DMRT1: variants seen among roughly 807,000 people sequenced by gnomAD.
DMRT1 encodes the protein doublesex- and mab-3-related transcription factor 1.
In DMRT1, 7 loss-of-function variants were observed where a neutral mutation model predicts 32.3. That is an observed-to-expected ratio of 0.22 (90% CI 0.12 to 0.41). The LOEUF is 0.41. Ranked by LOEUF, DMRT1 falls within the 10% of genes least tolerant of loss-of-function variation. The pLI is 1.00. For synonymous variants in DMRT1, 278 were observed against 206.1 expected, an observed-to-expected ratio of 1.35 and a Z score of -2.99; for missense variants, 625 against 500.5, an observed-to-expected ratio of 1.25 and a Z score of -2.37.
chr9:899,495 G>T (rs1328172188), intron 3 of DMRT1, among the ~76,000 whole-genome samples: 1 of 152,154 alleles, frequency 6.6e-6, no homozygotes, highest in Non-Finnish European at 1.5e-5. Context: ...TGCCCTGCCT[G>T]CTGAGAGCTG....
At chr9:866,234 A>T (rs940116333) in intron 2 of DMRT1, among the ~76,000 whole-genome samples, 6 of 150,806 alleles carry the variant, frequency 4.0e-5, no homozygotes, top group African/African-American at 1.5e-4. Context: ...GGACTCTGAG[A>T]CTGGGACGTT....
chr9:865,601 C>T (rs768980989), intron 2 of DMRT1, among the ~76,000 whole-genome samples: 4 of 152,088 alleles, frequency 2.6e-5, no homozygotes, highest in Non-Finnish European at 5.9e-5. Flanking sequence ...TATCCTGTAG[C>T]AATAAACAAG....
chr9:897,290 G>A (rs796977116), intron 3 of DMRT1, among the ~76,000 whole-genome samples: 28 of 150,962 alleles, frequency 1.9e-4, no homozygotes, highest in African/African-American at 6.8e-4. Flanking sequence ...TTTTTTTTCT[G>A]TATTTTTAGC....
intron 2 of DMRT1, among the ~76,000 whole-genome samples, chr9:847,434 C>G (rs558332319): frequency 1.6e-4 from 24 of 152,214 alleles, no homozygotes; most frequent in South Asian, 6.2e-4. Flanking sequence ...CTCAGTCCAC[C>G]CCTTCATTTT....
At chr9:875,772 G>A (rs1564215413) in intron 2 of DMRT1, among the ~76,000 whole-genome samples, 1 of 152,108 alleles carries the variant, frequency 6.6e-6, no homozygotes, top group Non-Finnish European at 1.5e-5. Flanking sequence ...GTGTGTGTAT[G>A]TATGTATGTA....
chr9:924,548 G>T (rs1334755018), intron 4 of DMRT1, among the ~76,000 whole-genome samples: 1 of 152,076 alleles, frequency 6.6e-6, no homozygotes, highest in Non-Finnish European at 1.5e-5. Context: ...TTCTGTTTTG[G>T]CAGGTGCCTG....
At chr9:909,359 A>G (rs1356857939) in intron 3 of DMRT1, among the ~76,000 whole-genome samples, 1 of 152,198 alleles carries the variant, frequency 6.6e-6, no homozygotes, top group Non-Finnish European at 1.5e-5. Context: ...TGAAAAATGA[A>G]TAAGGTGTGT....
chr9:853,912 C>G (rs1589450576), intron 2 of DMRT1, among the ~76,000 whole-genome samples: 1 of 152,158 alleles, frequency 6.6e-6, no homozygotes, highest in Non-Finnish European at 1.5e-5. Flanking sequence ...TCTCCCACCT[C>G]AGCCTCCCGA....
At chr9:863,795 C>T (rs1029851706) in intron 2 of DMRT1, among the ~76,000 whole-genome samples, 1 of 152,172 alleles carries the variant, frequency 6.6e-6, no homozygotes, top group African/African-American at 2.4e-5. Flanking sequence ...CTAGATTTCC[C>T]TTGTTAGTGG....
At chr9:876,605 A>T (rs1158580186) in intron 2 of DMRT1, among the ~76,000 whole-genome samples, 1 of 151,278 alleles carries the variant, frequency 6.6e-6, no homozygotes, top group Non-Finnish European at 1.5e-5. Flanking sequence ...ATCATAGCTG[A>T]CTACAACCCC....
chr9:901,425 C>T (rs1817569795), intron 3 of DMRT1, among the ~76,000 whole-genome samples: 1 of 152,050 alleles, frequency 6.6e-6, no homozygotes, highest in African/African-American at 2.4e-5. Flanking sequence ...CTCCCGGGTT[C>T]AAGCGATTCT....
At position 956,585 on chromosome 9, in the gene DMRT1, C is replaced by A. The variant is rs374108633; in HGVS notation, c.968-11400C>A. Among the ~76,000 whole-genome samples the A allele has an allele frequency of 4.4e-3, 654 of 147,352 alleles. 6 individuals carry two copies. Among genetic ancestry groups the A allele is most frequent in the African/African-American group, 0.015 (596 of 39,562 alleles). On this transcript the variant is annotated intron_variant, in intron 4 of 4. Coordinates refer to ENST00000382276, the MANE Select transcript of DMRT1 (RefSeq NM_021951.3). ...TCTCAAAAAAAAAAAAAACAAAAAACAAAAAACCCAAAATTTAAAAGGCCA... is the reference window on the plus strand; with the variant it reads ...TCTCAAAAAAAAAAAAAACAAAAAAAAAAAAACCCAAAATTTAAAAGGCCA...
intron 4 of DMRT1, among the ~76,000 whole-genome samples, chr9:927,533 T>A (rs997137171): frequency 6.6e-6 from 1 of 152,148 alleles, no homozygotes; most frequent in Non-Finnish European, 1.5e-5. Context: ...GTGTCCAAAT[T>A]GAGTTATGTC....
chr9:902,583 G>A (rs1053332024), intron 3 of DMRT1, among the ~76,000 whole-genome samples: 1 of 150,924 alleles, frequency 6.6e-6, no homozygotes, highest in African/African-American at 2.4e-5. Context: ...CTGCCTCCCG[G>A]GTTCAAGCGA....
chr9:883,185 G>A (rs965973112), intron 2 of DMRT1, among the ~76,000 whole-genome samples: 3 of 151,480 alleles, frequency 2.0e-5, no homozygotes, highest in African/African-American at 7.3e-5. Context: ...ATCTTTAAAA[G>A]CCAACTTCAG....
At chr9:959,250 G>C (rs1440762655) in intron 4 of DMRT1, among the ~76,000 whole-genome samples, 2 of 152,220 alleles carry the variant, frequency 1.3e-5, no homozygotes, top group East Asian at 3.9e-4. Flanking sequence ...TGTGGTGTGT[G>C]TGGCCAACCC....
chr9:950,751 C>A (rs1819402770), intron 4 of DMRT1, among the ~76,000 whole-genome samples: 1 of 152,160 alleles, frequency 6.6e-6, no homozygotes. Context: ...CTAGCCCCGA[C>A]TCATTAAAGA....
intron 2 of DMRT1, among the ~76,000 whole-genome samples, chr9:890,308 A>G (rs77481199): frequency 6.6e-6 from 1 of 152,106 alleles, no homozygotes; most frequent in Non-Finnish European, 1.5e-5. Flanking sequence ...GCGAATGGAC[A>G]TGTGCCCTCT....
chr9:882,319 C>T (rs926954244), intron 2 of DMRT1, among the ~76,000 whole-genome samples: 7 of 152,180 alleles, frequency 4.6e-5, no homozygotes, highest in African/African-American at 1.4e-4. Context: ...CTGCAGTGGA[C>T]CCTGTGCTCT....
Sources: gnomAD v4.1 joint callset for allele counts (sites outside exome capture counted in the v4.1 genomes callset) on GRCh38, gnomAD v4.1.1 for gene constraint, MANE v1.5 for transcripts, NCBI Gene and HGNC (gene_info 2026-07-23, HGNC 2026-07-21) for gene names.